The following DPM1 variants were observed in gnomAD, a reference collection of about 807,000 sequenced individuals.
DPM1 encodes the protein dolichyl-phosphate mannosyltransferase subunit 1, catalytic, also known as dolichol-phosphate mannosyltransferase subunit 1.
A neutral mutation model predicts 39.0 loss-of-function variants in DPM1; 27 were observed. That is an observed-to-expected ratio of 0.69 (90% CI 0.51 to 0.95). The LOEUF (loss-of-function observed/expected upper bound fraction) is 0.95. DPM1 is among the 40% of genes least tolerant of loss of function. The pLI is 0.00. For missense variants in DPM1, 307 were observed against 315.6 expected, an observed-to-expected ratio of 0.97 and a Z score of 0.21; for synonymous variants, 124 against 109.0, an observed-to-expected ratio of 1.14 and a Z score of -0.86.
At position 50,958,402 on chromosome 20, in the gene DPM1, G is replaced by A; in HGVS notation, c.122C>T (p.Pro41Leu). ...TTTCACCAGCAGCCACACGATGAGCGGCAGGTTCTCGCGCTCGTTGTAGGT... is the reference window on the plus strand; with the variant it reads ...TTTCACCAGCAGCCACACGATGAGCAGCAGGTTCTCGCGCTCGTTGTAGGT... ...LPTYNERENL[P>L]LIVWLLVKSF... The change falls in exon 1 of 9, where the codon CCG becomes CTG. Residue 41 changes from proline (P) to leucine (L), a missense_variant. This residue lies in a region of DPM1 where 206 missense variants were observed against 188.2 expected (regional missense o/e 1.09). Transcript: ENST00000371588. 6.2e-7 allele frequency: 1 copy of A among 1,614,022 alleles called. No individual in the cohort carries two copies. Among genetic ancestry groups the A allele is most frequent in the Non-Finnish European group, 8.5e-7 (1 of 1,180,042 alleles).
At chr20:50,958,295 G>T in intron 1 of DPM1, 68 bp downstream of exon 1, 8 of 1,591,202 alleles carry the variant, frequency 5.0e-6, no homozygotes, top group Non-Finnish European at 6.8e-6. Context: ...CGCGCAGCCA[G>T]CTGCCGACAC....
At chr20:50,935,792 T>C (rs1985100133) in intron 8 of DPM1, among the ~76,000 whole-genome samples, 1 of 152,120 alleles carries the variant, frequency 6.6e-6, no homozygotes, top group Non-Finnish European at 1.5e-5. Flanking sequence ...TAACAGGAAA[T>C]GGACATATGG....
chr20:50,957,073 G>A (rs1031981659), intron 1 of DPM1, among the ~76,000 whole-genome samples: 2 of 151,976 alleles, frequency 1.3e-5, no homozygotes, highest in African/African-American at 4.8e-5. Flanking sequence ...TCGGTTGTAT[G>A]ATAGTTACTT....
Position 50,942,232 on chromosome 20 carries a change from G to A in DPM1, c.399-106C>T, listed in dbSNP as rs1207420588. 4.9e-6 allele frequency: 5 copies of A among 1,013,862 alleles called. No homozygotes were observed. In the East Asian group the frequency reaches 9.7e-5, roughly 20 times the overall value. 62.8% of individuals were successfully genotyped at this position (1,013,862 alleles called of 1,614,324 possible). A position where few individuals can be genotyped will look rare whatever the true frequency, so the allele number is the denominator to read the frequency against. On this transcript the variant is annotated intron_variant, in intron 5 of 8. Transcript: ENST00000371588. ...TTTAAGAGAAGTCGACACAGGCTGG[G>A]TGCAGTGGCTCACGCCTGCAATCCT...
At position 50,945,897 on chromosome 20, in the gene DPM1, G is replaced by T; in HGVS notation, c.322C>A (p.His108Asn). 6.2e-7 allele frequency: 1 copy of T among 1,613,558 alleles called. No homozygotes were observed. The highest frequency in any genetic ancestry group is 8.5e-7 in the Non-Finnish European group (1 of 1,179,746). The change falls in exon 4 of 9, where the codon CAT becomes AAT. Residue 108 changes from histidine (H) to asparagine (N), a missense_variant. Physicochemically the swap from His to Asn is moderately conservative, Grantham distance 68 (BLOSUM62 1). Transcript: ENST00000371588. ...ATAATGATGTAGTTTCCTGTGGCAT[G>T]TTTCATTCCATGAATATATGCAGTT... The part of the protein sequence containing the change: ...LGTAYIHGMK[H>N]ATGNYIIIMD...
chr20:50,954,314 C>A (rs1601058170), intron 2 of DPM1, among the ~76,000 whole-genome samples: 1 of 152,026 alleles, frequency 6.6e-6, no homozygotes, highest in Admixed American at 6.6e-5. Flanking sequence ...CTCACAATAT[C>A]CAAACATTTG....
chr20:50,937,845 T>C (rs1039855601), intron 7 of DPM1, among the ~76,000 whole-genome samples: 2 of 152,068 alleles, frequency 1.3e-5, no homozygotes, highest in African/African-American at 4.8e-5. Flanking sequence ...TATTTTTATT[T>C]TTTTAGTTTT....
intron 7 of DPM1, 22 bp downstream of exon 7, chr20:50,940,843 G>A: frequency 6.4e-7 from 1 of 1,561,000 alleles, no homozygotes; most frequent in Non-Finnish European, 8.8e-7. Flanking sequence ...TTATATAAAA[G>A]TAGTGGAAAT....
rs775797102 is a variant in DPM1, at chr20:50,948,622, G to A, written c.295+7C>T. On this transcript the variant is annotated splice_region_variant and intron_variant, in intron 3 of 8. Transcript: ENST00000371588. ...AGGTGTGAGGGGTTAGAGATTACAC[G>A]ACTTACCTAGTCCCAACTTTTTCTC... 18 of 1,613,400 alleles carry A rather than the reference G, an allele frequency of 1.1e-5. No individual in the cohort carries two copies. Among genetic ancestry groups the A allele is most frequent in the Middle Eastern group, 1.6e-4 (1 of 6,082 alleles).
At chr20:50,952,941 C>T (rs1455932905) in intron 2 of DPM1, among the ~76,000 whole-genome samples, 1 of 152,212 alleles carries the variant, frequency 6.6e-6, no homozygotes, top group Non-Finnish European at 1.5e-5. Flanking sequence ...CAGATCTTAA[C>T]TGTCCTCATC....
intron 6 of DPM1, among the ~76,000 whole-genome samples, chr20:50,941,569 A>G (rs1601032225): frequency 2.0e-5 from 3 of 151,868 alleles, no homozygotes; most frequent in South Asian, 4.1e-4. Context: ...TTAGCCAGGC[A>G]TGGTGGTGCA....
chr20:50,957,819 C>A (rs1005805045), intron 1 of DPM1, among the ~76,000 whole-genome samples: 2 of 152,136 alleles, frequency 1.3e-5, no homozygotes, highest in Non-Finnish European at 2.9e-5. Flanking sequence ...ACTCCACCCA[C>A]CCCCCATCCC....
At chr20:50,938,485 C>A (rs1487809603) in intron 7 of DPM1, among the ~76,000 whole-genome samples, 1 of 151,368 alleles carries the variant, frequency 6.6e-6, no homozygotes, top group Non-Finnish European at 1.5e-5. Flanking sequence ...CAGGTTCACG[C>A]CATTCTCCTG....
chr20:50,939,116 C>G (rs1985479284), intron 7 of DPM1, among the ~76,000 whole-genome samples: 1 of 152,172 alleles, frequency 6.6e-6, no homozygotes, highest in Admixed American at 6.5e-5. Flanking sequence ...ATCCTTCAAC[C>G]CCCATCCCCT....
At chr20:50,952,611 G>GT (rs1986635912) in intron 2 of DPM1, among the ~76,000 whole-genome samples, 1 of 152,138 alleles carries the variant, frequency 6.6e-6, no homozygotes, top group Non-Finnish European at 1.5e-5. Flanking sequence ...GTGAGGCTCA[G>GT]TATTTTTTTC....
intron 2 of DPM1, among the ~76,000 whole-genome samples, chr20:50,950,628 G>A (rs1291215659): frequency 6.6e-6 from 1 of 152,074 alleles, no homozygotes; most frequent in Non-Finnish European, 1.5e-5. Context: ...CAGCACTTTG[G>A]GAGGCTGAGG....
intron 2 of DPM1, among the ~76,000 whole-genome samples, chr20:50,951,051 C>A (rs766774575): frequency 6.6e-6 from 1 of 152,106 alleles, no homozygotes; most frequent in African/African-American, 2.4e-5. Flanking sequence ...AAATTAAGCA[C>A]AGTAAGAGAT....
chr20:50,957,655 A>G (rs1986899751), intron 1 of DPM1, among the ~76,000 whole-genome samples: 2 of 152,254 alleles, frequency 1.3e-5, no homozygotes, highest in African/African-American at 2.4e-5. Flanking sequence ...CTTCCAAAGT[A>G]ATTTGCTATG....
In DPM1 at chr20:50,944,453, A is replaced by T. The variant is rs1986134035; in HGVS notation, c.398+1284T>A. On this transcript the variant is annotated intron_variant, in intron 5 of 8. Transcript: ENST00000371588. ...GATGAGCAGCAGATGGTCATCAAGGAGCATGGAAACAGCATTTCAGGCAAA... is the reference window on the plus strand; with the variant it reads ...GATGAGCAGCAGATGGTCATCAAGGTGCATGGAAACAGCATTTCAGGCAAA... 3 of 152,444 alleles carry T rather than the reference A, an allele frequency of 2.0e-5. No homozygotes were observed. The South Asian group carries it at 6.2e-4, about 32-fold the overall frequency. The allele number at this position is 152,444 out of a possible 1,614,324, so 9.4% of individuals were successfully genotyped here.
Sources: gnomAD v4.1 joint callset for allele counts (sites outside exome capture counted in the v4.1 genomes callset) on GRCh38, gnomAD v4.1.1 for gene constraint, gnomAD v4.1.1 regional missense constraint, MANE v1.5 for transcripts, NCBI Gene and HGNC (gene_info 2026-07-23, HGNC 2026-07-21) for gene names.